NTM: variants seen among roughly 807,000 people sequenced by gnomAD.
NTM encodes neurotrimin.
Under a neutral mutation model 42.1 loss-of-function variants are expected in NTM, and 13 were observed. That is an observed-to-expected ratio of 0.31 (90% CI 0.20 to 0.49). NTM has a LOEUF of 0.49. Among genes scored for constraint, NTM ranks in the 20% least tolerant of loss-of-function variants. The pLI is 0.99. For synonymous variants in NTM, 187 were observed against 179.2 expected, an observed-to-expected ratio of 1.04 and a Z score of -0.35; for missense variants, 373 against 452.8, an observed-to-expected ratio of 0.82 and a Z score of 1.60.
In NTM at chr11:131,657,042, G is replaced by A. The variant is rs370304911; in HGVS notation, c.83-254522G>A. ...CCAAGTGCTTCTCTGCATTGTTAGC[G>A]GGGAGGAAGGCGGGCCTGGAGAAGG... On this transcript the variant is annotated intron_variant, in intron 1 of 8. Transcript: ENST00000683400. Among the ~76,000 whole-genome samples, 30 of 147,436 alleles carry A rather than the reference G, an allele frequency of 2.0e-4. 1 individual carries two copies. The East Asian group carries it at 3.1e-3, about 15-fold the overall frequency.
At chr11:131,448,035 AC>A (rs1950194642) in intron 1 of NTM, among the ~76,000 whole-genome samples, 1 of 151,972 alleles carries the variant, frequency 6.6e-6, no homozygotes, top group African/African-American at 2.4e-5. Context: ...GGAGGGTTGC[AC>A]CCCCACCCTG....
chr11:131,789,453 A>AGAAG (rs1491541945), intron 1 of NTM, among the ~76,000 whole-genome samples: 2 of 12,254 alleles, frequency 1.6e-4, no homozygotes, highest in Non-Finnish European at 3.2e-4. Flanking sequence ...AAGAAGAAGA[A>AGAAG]GAAGAAGAAG....
chr11:131,507,037 G>T (rs2047573192), intron 1 of NTM, among the ~76,000 whole-genome samples: 1 of 152,088 alleles, frequency 6.6e-6, no homozygotes, highest in Non-Finnish European at 1.5e-5. Context: ...GTGAAGCCAC[G>T]TCCCTTATAT....
At chr11:131,685,687 A>C (rs540227499) in intron 1 of NTM, among the ~76,000 whole-genome samples, 16 of 152,186 alleles carry the variant, frequency 1.1e-4, no homozygotes, top group African/African-American at 3.9e-4. Context: ...ACCTTTTTTT[A>C]AAAAAATCAT....
chr11:132,329,535 C>A (rs758841111), intron 7 of NTM, among the ~76,000 whole-genome samples: 1 of 152,202 alleles, frequency 6.6e-6, no homozygotes, highest in Non-Finnish European at 1.5e-5. Context: ...CCTGTGGGAC[C>A]AGCTTGGTAT....
rs558807386 is a variant in NTM, at chr11:131,766,186, T to C, written c.83-145378T>C. On this transcript the variant is annotated intron_variant, in intron 1 of 8. Coordinates refer to ENST00000683400, the MANE Select transcript of NTM (RefSeq NM_001352005.2). ...CTCACTTAAGGGAAGAATGACCACT[T>C]GCTCTCATGTGTCCATATATGCCCT... 1.6e-4 allele frequency among the ~76,000 whole-genome samples: 25 copies of C among 152,320 alleles called. No homozygotes were observed. In the South Asian group the frequency reaches 5.2e-3, roughly 32 times the overall value.
intron 3 of NTM, among the ~76,000 whole-genome samples, chr11:132,206,160 T>G (rs113040334): frequency 1.2e-3 from 189 of 152,338 alleles, no homozygotes; most frequent in African/African-American, 4.3e-3. Flanking sequence ...TTTCTGTCTA[T>G]TTTACTCCAT....
At chr11:131,641,383 A>G (rs948805573) in intron 1 of NTM, among the ~76,000 whole-genome samples, 2 of 152,218 alleles carry the variant, frequency 1.3e-5, no homozygotes, top group East Asian at 3.8e-4. Context: ...TCTGTTTCAC[A>G]TTGGAACACT....
At chr11:131,833,519 C>G (rs1183686050) in intron 1 of NTM, among the ~76,000 whole-genome samples, 2 of 152,198 alleles carry the variant, frequency 1.3e-5, no homozygotes, top group African/African-American at 4.8e-5. Flanking sequence ...ATGGAAGACA[C>G]TCATGGGGGA....
At chr11:132,143,295 C>T (rs1011406103) in intron 2 of NTM, among the ~76,000 whole-genome samples, 2 of 152,176 alleles carry the variant, frequency 1.3e-5, no homozygotes, top group African/African-American at 2.4e-5. Flanking sequence ...GCCTCCCAGG[C>T]CCTGCCTGGG....
At chr11:131,510,567 C>T (rs10894409) in intron 1 of NTM, among the ~76,000 whole-genome samples, 18,659 of 152,216 alleles carry the variant, frequency 0.12, 1,371 homozygotes, top group East Asian at 0.26. Flanking sequence ...TGTCCAATAA[C>T]TTCAGCCTTA....
chr11:131,932,979 G>A (rs1041440373), intron 2 of NTM, among the ~76,000 whole-genome samples: 1 of 152,178 alleles, frequency 6.6e-6, no homozygotes, highest in Non-Finnish European at 1.5e-5. Flanking sequence ...AAATAGACAG[G>A]GGAGCAGAGC....
Position 131,525,888 on chromosome 11 carries a change from G to A in NTM, c.82+155000G>A, listed in dbSNP as rs902822890. Among the ~76,000 whole-genome samples, 3 of 152,098 alleles carry A rather than the reference G, an allele frequency of 2.0e-5. No individual in the cohort carries two copies. The East Asian group carries it at 5.8e-4, about 29-fold the overall frequency. On this transcript the variant is annotated intron_variant, in intron 1 of 8. Coordinates refer to ENST00000683400, the MANE Select transcript of NTM (RefSeq NM_001352005.2). ...ATGTATATATACATACACTTTGCCT[G>A]GAAAGAAATGCCTGAGATCAACAAG...
intron 2 of NTM, among the ~76,000 whole-genome samples, chr11:132,118,520 G>A (rs2064225476): frequency 6.6e-6 from 1 of 152,220 alleles, no homozygotes; most frequent in African/African-American, 2.4e-5. Flanking sequence ...ATGGCAGAGA[G>A]AAGAAAGAAA....
intron 7 of NTM, among the ~76,000 whole-genome samples, chr11:132,316,541 G>T (rs547562115): frequency 1.3e-5 from 2 of 152,354 alleles, no homozygotes; most frequent in East Asian, 3.9e-4. Flanking sequence ...ACACCAAGAT[G>T]AGTGGGGTAC....
intron 1 of NTM, among the ~76,000 whole-genome samples, chr11:131,600,469 A>G (rs2137412852): frequency 6.6e-6 from 1 of 152,316 alleles, no homozygotes; most frequent in East Asian, 1.9e-4. Context: ...CATTCCATTT[A>G]GCAGCAATGG....
At chr11:131,992,595 T>C (rs2067227829) in intron 2 of NTM, among the ~76,000 whole-genome samples, 1 of 152,182 alleles carries the variant, frequency 6.6e-6, no homozygotes, top group African/African-American at 2.4e-5. Flanking sequence ...CTCCTCTTTA[T>C]GCAGAACTGC....
chr11:131,643,444 G>A (rs1421573212), intron 1 of NTM, among the ~76,000 whole-genome samples: 1 of 152,198 alleles, frequency 6.6e-6, no homozygotes, highest in Non-Finnish European at 1.5e-5. Flanking sequence ...AGACCCAGGG[G>A]ATGAAGGCTG....
chr11:131,644,341 A>G (rs114803269), intron 1 of NTM, among the ~76,000 whole-genome samples: 2,872 of 152,298 alleles, frequency 0.019, 78 homozygotes, highest in African/African-American at 0.065. Context: ...TTCTCGCTCC[A>G]GTGGCTGTGG....
Sources: gnomAD v4.1 joint callset for allele counts (sites outside exome capture counted in the v4.1 genomes callset) on GRCh38, gnomAD v4.1.1 for gene constraint, MANE v1.5 for transcripts, NCBI Gene and HGNC (gene_info 2026-07-23, HGNC 2026-07-21) for gene names.